Variants in ZC3H12B observed in about 807,000 individuals in gnomAD.
ZC3H12B encodes the protein zinc finger CCCH-type containing 12B, also known as probable ribonuclease ZC3H12B.
A neutral mutation model predicts 43.9 loss-of-function variants in ZC3H12B; 7 were observed. That is an observed-to-expected ratio of 0.16 (90% CI 0.09 to 0.30). The LOEUF (loss-of-function observed/expected upper bound fraction) is 0.30, where lower values mean the gene tolerates loss of function less well. ZC3H12B is among the 10% of genes least tolerant of loss of function. The pLI is 1.00. For synonymous variants in ZC3H12B, 222 were observed against 241.7 expected (o/e 0.92, Z 0.76); for missense variants, 475 against 670.2 (o/e 0.71, Z 3.22).
chrX:65,392,218 G>A, intron 2 of ZC3H12B, among the ~76,000 whole-genome samples: 1 of 111,242 alleles, frequency 9.0e-6, no homozygotes, highest in Non-Finnish European at 1.9e-5. Flanking sequence ...GTCTCTGCCT[G>A]TCCACCAATC....
At chrX:65,065,053 TC>T in the ZC3H12B span, among the ~76,000 whole-genome samples, 1 of 110,862 alleles carries the variant, frequency 9.0e-6, no homozygotes, top group Non-Finnish European at 1.9e-5. Context: ...ATGAGATGGG[TC>T]TCCTGAATAC....
chrX:65,398,705 G>C lies in ZC3H12B; in HGVS notation n.407+1G>C, dbSNP rs1044260532. 1 of 112,174 alleles carries C rather than the reference G, an allele frequency of 8.9e-6. No homozygotes were observed. Among genetic ancestry groups the C allele is most frequent in the Non-Finnish European group, 1.9e-5 (1 of 53,254 alleles). The allele number at this position is 112,174 out of a possible 1,213,427, so 9.2% of individuals were successfully genotyped here. ...TGCTTCCTGTTAAGCCTGCAGAACT[G>C]TGAGTCAATTTAACCTTTTTTCTTT... On this transcript the variant is annotated splice_donor_variant and non_coding_transcript_variant, in intron 3 of 5. Transcript: ENST00000617377.
At chrX:65,035,900 G>T in the ZC3H12B span, among the ~76,000 whole-genome samples, 54 of 112,262 alleles carry the variant, frequency 4.8e-4, no homozygotes, top group South Asian at 0.017. Flanking sequence ...TGAGAAGTAG[G>T]CAGAATGGCT....
chrX:65,212,620 T>C, the ZC3H12B span, among the ~76,000 whole-genome samples: 1 of 84,622 alleles, frequency 1.2e-5, no homozygotes, highest in Non-Finnish European at 2.2e-5. Context: ...ATATGATATA[T>C]AATATATATA....
chrX:65,121,828 T>C, the ZC3H12B span, among the ~76,000 whole-genome samples: 2 of 111,550 alleles, frequency 1.8e-5, no homozygotes, highest in Non-Finnish European at 3.8e-5. Context: ...GTCCCAGAGA[T>C]TCTAGTATGT....
intron 2 of ZC3H12B, among the ~76,000 whole-genome samples, chrX:65,379,676 T>A (rs1025657942): frequency 2.7e-5 from 3 of 111,837 alleles, no homozygotes; most frequent in Non-Finnish European, 5.6e-5. Context: ...GGGAGGACAT[T>A]CAAACCAAAC....
the ZC3H12B span, among the ~76,000 whole-genome samples, chrX:65,126,841 A>G: frequency 9.2e-6 from 1 of 108,285 alleles, no homozygotes; most frequent in South Asian, 4.0e-4. Context: ...TGATTTCCAG[A>G]AATCAAGATT....
chrX:65,418,293 A>G (rs994539418), intron 3 of ZC3H12B, among the ~76,000 whole-genome samples: 5 of 111,567 alleles, frequency 4.5e-5, no homozygotes, highest in African/African-American at 1.6e-4. Context: ...CAATGCTCTA[A>G]TGGAGGAATT....
At chrX:65,448,585 C>A (rs1051084006) in intron 3 of ZC3H12B, among the ~76,000 whole-genome samples, 1 of 111,176 alleles carries the variant, frequency 9.0e-6, no homozygotes, top group East Asian at 2.8e-4. Context: ...GTGAGGCCGA[C>A]GTGGGTGGAT....
the ZC3H12B span, among the ~76,000 whole-genome samples, chrX:65,307,707 T>A: frequency 8.9e-6 from 1 of 111,947 alleles, no homozygotes; most frequent in Admixed American, 9.5e-5. Flanking sequence ...TTTTTTTGAA[T>A]AAATTATTGT....
intron 3 of ZC3H12B, among the ~76,000 whole-genome samples, chrX:65,457,344 G>A (rs1274553699): frequency 4.1e-5 from 1 of 24,161 alleles, no homozygotes; most frequent in Non-Finnish European, 6.0e-5. Flanking sequence ...CCGGCCAGCC[G>A]CCCTATCCAG....
At chrX:65,037,498 A>T in the ZC3H12B span, among the ~76,000 whole-genome samples, 1 of 112,228 alleles carries the variant, frequency 8.9e-6, no homozygotes, top group Non-Finnish European at 1.9e-5. Context: ...TACTAAATTA[A>T]CAAATTAAAT....
the ZC3H12B span, among the ~76,000 whole-genome samples, chrX:65,242,492 A>T: frequency 8.9e-6 from 1 of 112,576 alleles, no homozygotes; most frequent in Non-Finnish European, 1.9e-5. Context: ...TAAAGAGGAC[A>T]TAAAAATGGA....
the ZC3H12B span, among the ~76,000 whole-genome samples, chrX:65,098,567 G>A: frequency 2.9e-3 from 314 of 109,883 alleles, 2 homozygotes; most frequent in African/African-American, 0.01. Flanking sequence ...CATTGGGACT[G>A]GTTAGGCAGT....
At chrX:65,385,789 A>G (rs1360609894) in intron 2 of ZC3H12B, among the ~76,000 whole-genome samples, 1 of 112,005 alleles carries the variant, frequency 8.9e-6, no homozygotes, top group Admixed American at 9.5e-5. Context: ...GTTTGTCATA[A>G]ATAGCTCTTA....
intron 2 of ZC3H12B, among the ~76,000 whole-genome samples, chrX:65,374,645 A>G (rs1010581274): frequency 9.0e-6 from 1 of 110,566 alleles, no homozygotes; most frequent in Admixed American, 9.8e-5. Flanking sequence ...TAGGCACTGT[A>G]TTAGTCCACT....
At chrX:65,362,015 G>A (rs772044166), upstream of ZC3H12B, among the ~76,000 whole-genome samples, 5 of 112,131 alleles carry the variant, frequency 4.5e-5, no homozygotes, top group East Asian at 1.4e-3. Context: ...TGGCCACTGG[G>A]CCAACAAATG....
chrX:65,315,517 C>G, the ZC3H12B span, among the ~76,000 whole-genome samples: 31 of 111,643 alleles, frequency 2.8e-4, 1 homozygote, highest in Admixed American at 2.8e-3. Flanking sequence ...AGCAGCCCCC[C>G]AGAGCTGGAG....
chrX:65,460,263 C>CA (rs2067717637), intron 3 of ZC3H12B, among the ~76,000 whole-genome samples: 1 of 111,583 alleles, frequency 9.0e-6, no homozygotes, highest in African/African-American at 3.3e-5. Flanking sequence ...GAATCAATAT[C>CA]ATGAAAATGG....
Sources: gnomAD v4.1 joint callset for allele counts (sites outside exome capture counted in the v4.1 genomes callset) on GRCh38, gnomAD v4.1.1 for gene constraint, MANE v1.5 for transcripts, NCBI Gene and HGNC (gene_info 2026-07-23, HGNC 2026-07-21) for gene names.